AGBL4: variants seen among roughly 807,000 people sequenced by gnomAD.
The protein encoded by AGBL4 is AGBL carboxypeptidase 4.
In AGBL4, 58 loss-of-function variants were observed where a neutral mutation model predicts 66.4. The ratio of observed to expected loss-of-function variants is 0.87; its 90% CI spans 0.71 to 1.09. AGBL4 has a LOEUF of 1.09. Among genes scored for constraint, AGBL4 ranks in the 50% least tolerant of loss-of-function variants. The probability of loss-of-function intolerance (pLI) is 0.00; values close to 1 mark genes in which losing one functional copy is unlikely to be tolerated. For synonymous variants in AGBL4, 234 were observed against 222.9 expected (o/e 1.05, Z -0.44); for missense variants, 579 against 631.0 (o/e 0.92, Z 0.88).
intron 1 of AGBL4, among the ~76,000 whole-genome samples, chr1:49,938,318 G>A (rs1239518449): frequency 1.3e-5 from 2 of 152,082 alleles, no homozygotes; most frequent in East Asian, 3.9e-4. Context: ...TCCCTGAATA[G>A]ACCAATAACA....
chr1:49,686,991 C>T (rs1365864308), intron 3 of AGBL4, among the ~76,000 whole-genome samples: 1 of 152,064 alleles, frequency 6.6e-6, no homozygotes, highest in Non-Finnish European at 1.5e-5. Context: ...ACAACATGGT[C>T]GCTGTAGGGA....
At chr1:48,839,192 A>T (rs1646746011) in intron 6 of AGBL4, among the ~76,000 whole-genome samples, 1 of 152,126 alleles carries the variant, frequency 6.6e-6, no homozygotes, top group South Asian at 2.1e-4. Context: ...ATCGAAAAGA[A>T]AGGAAATCAG....
chr1:49,844,877 C>T, intron 2 of AGBL4: 2 of 1,448,820 alleles, frequency 1.4e-6, no homozygotes, highest in Non-Finnish European at 1.9e-6. Flanking sequence ...GTGCTGGCAG[C>T]CTTGATGCCT....
chr1:49,278,381 A>G lies in AGBL4; in HGVS notation c.283-32517T>C, dbSNP rs181594194. Among the ~76,000 whole-genome samples, 3 of 152,266 alleles carry G rather than the reference A, an allele frequency of 2.0e-5. No individual in the cohort carries two copies. The East Asian group carries it at 5.8e-4, about 29-fold the overall frequency. On this transcript the variant is annotated intron_variant, in intron 3 of 13. Coordinates refer to ENST00000371839, the MANE Select transcript of AGBL4 (RefSeq NM_032785.4). ...TGGTGGATAACAAACAGGGCAGTAA[A>G]TCTAAGAGAGAGAGAGCAGCACTTG...
At chr1:49,229,144 C>G (rs910707944) in intron 4 of AGBL4, among the ~76,000 whole-genome samples, 4 of 152,192 alleles carry the variant, frequency 2.6e-5, no homozygotes, top group African/African-American at 7.2e-5. Flanking sequence ...GCCAATTTCT[C>G]AGATAAGTTT....
At chr1:49,641,968 T>C (rs1368058917) in intron 3 of AGBL4, among the ~76,000 whole-genome samples, 1 of 152,026 alleles carries the variant, frequency 6.6e-6, no homozygotes, top group African/African-American at 2.4e-5. Context: ...AGGATTTTAC[T>C]GTATATTTAT....
chr1:49,817,141 A>G (rs1186707586), intron 2 of AGBL4, among the ~76,000 whole-genome samples: 1 of 152,204 alleles, frequency 6.6e-6, no homozygotes, highest in Non-Finnish European at 1.5e-5. Flanking sequence ...CCTTCTTATA[A>G]TTAGGAATTG....
At chr1:49,620,211 C>T (rs1645331786) in intron 3 of AGBL4, among the ~76,000 whole-genome samples, 2 of 152,024 alleles carry the variant, frequency 1.3e-5, no homozygotes, top group Admixed American at 1.3e-4. Context: ...AAAAATCTTG[C>T]AATCTATCCA....
At chr1:48,803,899 G>A (rs61772588) in intron 6 of AGBL4, among the ~76,000 whole-genome samples, 57,781 of 152,052 alleles carry the variant, frequency 0.38, 13,773 homozygotes, top group Non-Finnish European at 0.54. Context: ...GCTCTGGAAT[G>A]ATATTGTCTA....
At chr1:49,423,927 C>T (rs976420900) in intron 3 of AGBL4, among the ~76,000 whole-genome samples, 1 of 152,000 alleles carries the variant, frequency 6.6e-6, no homozygotes, top group Non-Finnish European at 1.5e-5. Context: ...AGGCAAAATC[C>T]CTAATGTCAA....
At chr1:49,454,553 T>C (rs955644364) in intron 3 of AGBL4, among the ~76,000 whole-genome samples, 4 of 151,794 alleles carry the variant, frequency 2.6e-5, no homozygotes, top group Admixed American at 2.6e-4. Context: ...AGTTTAACAC[T>C]AAGAGAAAAT....
chr1:49,995,194 T>G (rs1572029578), intron 1 of AGBL4: 1 of 455,982 alleles, frequency 2.2e-6, no homozygotes, highest in Non-Finnish European at 4.4e-6. Flanking sequence ...CTGGGGCAGG[T>G]GGGGAGGCAC....
chr1:48,712,055 CTCT>C (rs1381358391), intron 6 of AGBL4, among the ~76,000 whole-genome samples: 5 of 152,182 alleles, frequency 3.3e-5, no homozygotes, highest in Non-Finnish European at 5.9e-5. Flanking sequence ...CTACTCCCTC[CTCT>C]TCTTTGCTTT....
chr1:49,196,374 T>C (rs913428608), intron 4 of AGBL4, among the ~76,000 whole-genome samples: 3 of 152,208 alleles, frequency 2.0e-5, no homozygotes, highest in Non-Finnish European at 4.4e-5. Flanking sequence ...TGTTTGAATA[T>C]ATCTGTCTCC....
At chr1:48,916,068 T>G (rs1173374038) in intron 5 of AGBL4, among the ~76,000 whole-genome samples, 1 of 152,252 alleles carries the variant, frequency 6.6e-6, no homozygotes, top group East Asian at 1.9e-4. Flanking sequence ...GCCCATAAGT[T>G]CTTCCACAAC....
At chr1:49,833,050 A>G (rs1228162333) in intron 2 of AGBL4, among the ~76,000 whole-genome samples, 2 of 151,992 alleles carry the variant, frequency 1.3e-5, no homozygotes, top group Non-Finnish European at 2.9e-5. Flanking sequence ...TTGGTGTTTT[A>G]GACATGAAGT....
intron 8 of AGBL4, among the ~76,000 whole-genome samples, chr1:48,645,827 A>G (rs1051524589): frequency 2.6e-5 from 4 of 152,166 alleles, no homozygotes; most frequent in Non-Finnish European, 4.4e-5. Flanking sequence ...AAAGACAGAC[A>G]ATGACAAACA....
chr1:49,260,104 A>G (rs1570253665), intron 3 of AGBL4, among the ~76,000 whole-genome samples: 1 of 150,116 alleles, frequency 6.7e-6, no homozygotes, highest in Non-Finnish European at 1.5e-5. Flanking sequence ...GTTCTTTGAA[A>G]CCAACGAGAA....
At chr1:49,224,892 T>A (rs1412663194) in intron 4 of AGBL4, among the ~76,000 whole-genome samples, 2 of 152,212 alleles carry the variant, frequency 1.3e-5, no homozygotes, top group Non-Finnish European at 2.9e-5. Flanking sequence ...TTTAATCAGG[T>A]TCATGATACA....
Sources: gnomAD v4.1 joint callset for allele counts (sites outside exome capture counted in the v4.1 genomes callset) on GRCh38, gnomAD v4.1.1 for gene constraint, MANE v1.5 for transcripts, NCBI Gene and HGNC (gene_info 2026-07-23, HGNC 2026-07-21) for gene names.